The following CFAP299 variants were observed in gnomAD, a reference collection of about 807,000 sequenced individuals.
CFAP299 encodes cilia- and flagella-associated protein 299.
A neutral mutation model predicts 27.0 loss-of-function variants in CFAP299; 21 were observed. The ratio of observed to expected loss-of-function variants is 0.78; its 90% CI spans 0.55 to 1.12. The LOEUF is 1.12. CFAP299 is among the 50% of genes most tolerant of loss of function. The pLI is 0.00. For missense variants in CFAP299, 310 were observed against 276.6 expected, an observed-to-expected ratio of 1.12 and a Z score of -0.86; for synonymous variants, 104 against 98.1, an observed-to-expected ratio of 1.06 and a Z score of -0.36.
At chr4:80,379,864 C>G (rs1724606129) in intron 2 of CFAP299, among the ~76,000 whole-genome samples, 1 of 151,930 alleles carries the variant, frequency 6.6e-6, no homozygotes, top group Admixed American at 6.6e-5. Flanking sequence ...CATGTGTATT[C>G]CCTCTTGTAG....
intron 2 of CFAP299, among the ~76,000 whole-genome samples, chr4:80,430,826 C>CT (rs1336495847): frequency 6.6e-6 from 1 of 152,208 alleles, no homozygotes; most frequent in Non-Finnish European, 1.5e-5. Flanking sequence ...AATCTATCAT[C>CT]TTTTTACCTC....
chr4:80,707,555 C>T (rs1721894481), intron 3 of CFAP299, among the ~76,000 whole-genome samples: 1 of 152,012 alleles, frequency 6.6e-6, no homozygotes, highest in South Asian at 2.1e-4. Context: ...TAAAGTGCCA[C>T]ACATAGTCAT....
chr4:80,844,929 G>A (rs1033192170), intron 3 of CFAP299, among the ~76,000 whole-genome samples: 3 of 152,094 alleles, frequency 2.0e-5, no homozygotes, highest in Non-Finnish European at 2.9e-5. Context: ...ATTAATTTTT[G>A]TATAAGGTGT....
At chr4:80,470,646 T>G (rs1729948733) in intron 2 of CFAP299, among the ~76,000 whole-genome samples, 1 of 152,200 alleles carries the variant, frequency 6.6e-6, no homozygotes, top group African/African-American at 2.4e-5. Flanking sequence ...GACTTAAAAT[T>G]TGTCACTTAG....
chr4:80,832,269 C>T (rs997354616), intron 3 of CFAP299, among the ~76,000 whole-genome samples: 1 of 152,114 alleles, frequency 6.6e-6, no homozygotes, highest in Non-Finnish European at 1.5e-5. Context: ...ATGTGCATCA[C>T]GGTGCCATTG....
rs1578118232 is a variant in CFAP299, at chr4:80,782,016, C to T, written c.334-87977C>T. ...TCTACTTCATATAATTGTTATGAGA[C>T]ATCTACTATTTTTGCCCAGAATCAT... is the stretch of plus-strand genomic sequence containing the variant. On this transcript the variant is annotated intron_variant, in intron 3 of 5. Transcript: ENST00000358105. Among the ~76,000 whole-genome samples, 4 of 152,190 alleles carry T rather than the reference C, an allele frequency of 2.6e-5. No homozygotes were observed. The Middle Eastern group carries it at 0.014, about 518-fold the overall frequency.
intron 3 of CFAP299, among the ~76,000 whole-genome samples, chr4:80,617,408 T>C (rs1738347049): frequency 6.6e-6 from 1 of 152,134 alleles, no homozygotes; most frequent in Non-Finnish European, 1.5e-5. Flanking sequence ...CCCTATACCC[T>C]GCCATCAACT....
intron 3 of CFAP299, among the ~76,000 whole-genome samples, chr4:80,817,982 C>A (rs1162261298): frequency 1.3e-5 from 2 of 152,080 alleles, no homozygotes; most frequent in African/African-American, 4.8e-5. Context: ...ATTTTTCCTG[C>A]TGCTCTCTCT....
intron 2 of CFAP299, among the ~76,000 whole-genome samples, chr4:80,558,412 T>C (rs1734888271): frequency 6.7e-6 from 1 of 149,972 alleles, no homozygotes; most frequent in East Asian, 1.9e-4. Flanking sequence ...GCTCTCTAGA[T>C]TATTAGTGGC....
At chr4:80,566,895 TGA>T (rs1255293339) in intron 2 of CFAP299, among the ~76,000 whole-genome samples, 1 of 152,040 alleles carries the variant, frequency 6.6e-6, no homozygotes, top group Non-Finnish European at 1.5e-5. Context: ...CCTGAAAGTG[TGA>T]GACTATCTTG....
At chr4:80,388,771 G>T (rs962299193) in intron 2 of CFAP299, 3 of 490,778 alleles carry the variant, frequency 6.1e-6, no homozygotes, top group African/African-American at 4.0e-5. Flanking sequence ...GGGAGGTAGG[G>T]TTTCTATGCT....
chr4:80,812,099 TA>T (rs746865315), intron 3 of CFAP299, among the ~76,000 whole-genome samples: 1 of 152,128 alleles, frequency 6.6e-6, no homozygotes, highest in Non-Finnish European at 1.5e-5. Flanking sequence ...CATATATTAG[TA>T]TTCATATATT....
At chr4:80,476,952 T>C (rs574645897) in intron 2 of CFAP299, among the ~76,000 whole-genome samples, 123 of 131,380 alleles carry the variant, frequency 9.4e-4, no homozygotes, top group African/African-American at 3.1e-3. Flanking sequence ...TGCGTGTGTG[T>C]GCGCATGCGT....
chr4:80,423,742 T>C (rs1727402924), intron 2 of CFAP299, among the ~76,000 whole-genome samples: 1 of 152,142 alleles, frequency 6.6e-6, no homozygotes, highest in South Asian at 2.1e-4. Flanking sequence ...GTGTACAAGA[T>C]TGGGCTGCCA....
intron 2 of CFAP299, among the ~76,000 whole-genome samples, chr4:80,479,980 T>C (rs1000834821): frequency 2.0e-5 from 3 of 152,014 alleles, no homozygotes; most frequent in Non-Finnish European, 4.4e-5. Context: ...CTGCTAATGG[T>C]TGTATTCAAG....
intron 3 of CFAP299, among the ~76,000 whole-genome samples, chr4:80,725,158 G>A (rs753128549): frequency 8.2e-5 from 10 of 122,530 alleles, no homozygotes; most frequent in Admixed American, 2.1e-4. Flanking sequence ...GTTTCACCAC[G>A]TTGGCCAGGC....
At chr4:80,387,482 C>T (rs1053368169) in intron 2 of CFAP299, 17 of 813,228 alleles carry the variant, frequency 2.1e-5, no homozygotes, top group Non-Finnish European at 3.2e-5. Flanking sequence ...CCCTTGCTAT[C>T]GCTGGCTGTG....
Position 80,335,738 on chromosome 4 carries a change from T to C in CFAP299, c.-31T>C. On this transcript the variant is annotated 5_prime_UTR_variant, in exon 1 of 6. Transcript: ENST00000358105. ...CCTGACCCTGCCCTCCTGCTTCCGT[T>C]GCTAGGGACGCTTCGGCCGAGGATA... is the stretch of plus-strand genomic sequence containing the variant. 7.3e-7 allele frequency: 1 copy of C among 1,377,532 alleles called. No homozygotes were observed. The highest frequency in any genetic ancestry group is 1.2e-5 in the South Asian group (1 of 86,314). 85.3% of individuals were successfully genotyped at this position (1,377,532 alleles called of 1,614,324 possible).
At chr4:80,825,728 G>C (rs781250334) in intron 3 of CFAP299, among the ~76,000 whole-genome samples, 3 of 151,890 alleles carry the variant, frequency 2.0e-5, no homozygotes, top group Non-Finnish European at 4.4e-5. Flanking sequence ...TAGACCTGTT[G>C]TGCAAGAAAT....
Sources: gnomAD v4.1 joint callset for allele counts (sites outside exome capture counted in the v4.1 genomes callset) on GRCh38, gnomAD v4.1.1 for gene constraint, MANE v1.5 for transcripts, NCBI Gene and HGNC (gene_info 2026-07-23, HGNC 2026-07-21) for gene names.